SMURF1: variants seen among roughly 807,000 people sequenced by gnomAD.
The protein encoded by SMURF1 is E3 ubiquitin-protein ligase SMURF1.
In SMURF1, 44 loss-of-function variants were observed where a neutral mutation model predicts 98.0. That is an observed-to-expected ratio of 0.45 (90% CI 0.35 to 0.58). The LOEUF (loss-of-function observed/expected upper bound fraction) is 0.58. SMURF1 is among the 20% of genes least tolerant of loss of function. SMURF1 has a pLI of 0.00. For synonymous variants in SMURF1, 396 were observed against 374.9 expected (o/e 1.06, Z -0.65); for missense variants, 687 against 938.4 (o/e 0.73, Z 3.50).
rs1795895960 is a variant in SMURF1, at chr7:99,057,141, G to C, written c.403+64C>G. On this transcript the variant is annotated intron_variant, in intron 5 of 17. Coordinates refer to ENST00000361368, the MANE Select transcript of SMURF1 (RefSeq NM_181349.3). ...GTCAGTGCCTGTATGTGAGTTCTCG[G>C]CGATGAAGGGTTGAATGTAAGTTCT... The C allele has an allele frequency of 2.5e-6, 4 of 1,574,020 alleles. No individual in the cohort carries two copies. The South Asian group carries it at 4.4e-5, about 17-fold the overall frequency.
chr7:99,102,976 C>G (rs1797122275), intron 1 of SMURF1, among the ~76,000 whole-genome samples: 1 of 151,628 alleles, frequency 6.6e-6, no homozygotes, highest in African/African-American at 2.4e-5. Flanking sequence ...GCTTATTTTT[C>G]TATCTTTAGG....
chr7:99,049,864 C>G (rs1372072473), intron 8 of SMURF1, 155 bp from the exon 9 acceptor site: 4 of 668,736 alleles, frequency 6.0e-6, no homozygotes, highest in South Asian at 2.0e-5. Context: ...CGCCAAACCT[C>G]TACTCAGTCC....
intron 17 of SMURF1, among the ~76,000 whole-genome samples, chr7:99,032,633 C>T (rs1274819525): frequency 1.3e-5 from 2 of 152,242 alleles, no homozygotes; most frequent in South Asian, 2.1e-4. Flanking sequence ...CGTGCCACTG[C>T]ACTCCATCCT....
chr7:99,040,288 C>T (rs1051575343), intron 13 of SMURF1, 90 bp downstream of exon 13: 3 of 1,256,026 alleles, frequency 2.4e-6, no homozygotes, highest in African/African-American at 4.1e-5. Context: ...CCAAAATACA[C>T]ACACACGCGC....
In SMURF1 at chr7:99,038,444, C is replaced by T. The variant is rs1584446081; in HGVS notation, c.1632G>A (p.Leu544=). ...CTGGCACATTTCTGCCATTGGGTTT[C>T]AGTTCATGCTGCAGGATCCGCCCGA... The part of the protein sequence containing the change: ...NAFGRILQHE[L]KPNGRNVPVT... The change falls in exon 14 of 18, where the codon CTG becomes CTA. Residue 544 remains leucine (L), a synonymous_variant. Coordinates refer to ENST00000361368, the MANE Select transcript of SMURF1 (RefSeq NM_181349.3). The T allele has an allele frequency of 1.2e-6, 2 of 1,614,110 alleles. No homozygotes were observed. The highest frequency in any genetic ancestry group is 2.2e-5 in the East Asian group (1 of 44,892).
chr7:99,138,979 G>C lies in SMURF1; in HGVS notation c.55+4747C>G, dbSNP rs74324424. On this transcript the variant is annotated intron_variant, in intron 1 of 17. Coordinates refer to ENST00000361368, the MANE Select transcript of SMURF1 (RefSeq NM_181349.3). ...CCTAAGGAAAATGTAAATGCAAAGGGAGCTAAAAACTGACCACTTATTCCA... is the reference window on the plus strand; with the variant it reads ...CCTAAGGAAAATGTAAATGCAAAGGCAGCTAAAAACTGACCACTTATTCCA... 2.6e-3 allele frequency among the ~76,000 whole-genome samples: 403 copies of C among 152,300 alleles called. 2 individuals are homozygous for C. Among genetic ancestry groups the C allele is most frequent in the African/African-American group, 9.5e-3 (394 of 41,574 alleles).
chr7:99,078,519 C>T (rs1049457701), intron 1 of SMURF1, among the ~76,000 whole-genome samples: 56 of 152,162 alleles, frequency 3.7e-4, no homozygotes. Flanking sequence ...CCCCTGCACC[C>T]TCCTCCCCAT....
In SMURF1 at chr7:99,030,601, C is replaced by T. The variant is rs956288312; in HGVS notation, c.2179G>A (p.Gly727Arg). ...GTTGCTTTTCACTCCACAGCAAACCCGCAGGTCTCCTCCACGGCTGTCAGC... is the reference window on the plus strand; with the variant it reads ...GTTGCTTTTCACTCCACAGCAAACCTGCAGGTCTCCTCCACGGCTGTCAGC... ...KLLTAVEETC[G>R]FAVE The change falls in exon 18 of 18, where the codon GGG becomes AGG. Residue 727 changes from glycine (G) to arginine (R), a missense_variant. By Grantham distance (125) the Gly-to-Arg change is moderately radical. Coordinates refer to ENST00000361368, the MANE Select transcript of SMURF1 (RefSeq NM_181349.3). 7 of 1,614,028 alleles carry T rather than the reference C, an allele frequency of 4.3e-6. No individual in the cohort carries two copies. The highest frequency in any genetic ancestry group is 5.1e-6 in the Non-Finnish European group (6 of 1,180,024).
Position 99,057,087 on chromosome 7 carries a change from TG to T in SMURF1, c.403+117del, listed in dbSNP as rs1229400538. 4 of 953,222 alleles carry T rather than the reference TG, an allele frequency of 4.2e-6. No individual in the cohort carries two copies. The African/African-American group carries it at 6.5e-5, about 16-fold the overall frequency. 59.0% of individuals were successfully genotyped at this position (953,222 alleles called of 1,614,324 possible). A position where few individuals can be genotyped will look rare whatever the true frequency, so the allele number is the denominator to read the frequency against. ...AGTACTGAAGAGAAGGCCCCGTACG[TG>T]GTCTGTCCTCTGAGGCCCGTCAGCA... On this transcript the variant is annotated intron_variant, in intron 5 of 17. Transcript: ENST00000361368.
intron 13 of SMURF1, 24 bp downstream of exon 13, chr7:99,040,354 G>T: frequency 6.9e-7 from 1 of 1,448,218 alleles, no homozygotes; most frequent in South Asian, 1.5e-5. Flanking sequence ...TAAGCCAGGT[G>T]ACCGGCCGTC....
chr7:99,056,242 G>A (rs1354979161), intron 5 of SMURF1, among the ~76,000 whole-genome samples: 1 of 152,076 alleles, frequency 6.6e-6, no homozygotes, highest in Non-Finnish European at 1.5e-5. Flanking sequence ...ATACCTAAAA[G>A]ATTTGGAGTG....
At chr7:99,136,980 T>G (rs1798006692) in intron 1 of SMURF1, among the ~76,000 whole-genome samples, 1 of 152,004 alleles carries the variant, frequency 6.6e-6, no homozygotes, top group Non-Finnish European at 1.5e-5. Context: ...CATGATACTG[T>G]CCGATGGCAC....
At position 99,038,443 on chromosome 7, in the gene SMURF1, T is replaced by G; in HGVS notation, c.1633A>C (p.Lys545Gln). The G allele has an allele frequency of 6.2e-7, 1 of 1,614,240 alleles. No homozygotes were observed. Among genetic ancestry groups the G allele is most frequent in the Non-Finnish European group, 8.5e-7 (1 of 1,180,040 alleles). The change falls in exon 14 of 18, where the codon AAA becomes CAA. Residue 545 changes from lysine to glutamine, a missense_variant. Physicochemically the swap from Lys to Gln is moderately conservative, Grantham distance 53. Transcript: ENST00000361368. The stretch of plus-strand genomic sequence containing the variant: ...ACTGGCACATTTCTGCCATTGGGTT[T>G]CAGTTCATGCTGCAGGATCCGCCCG... ...AFGRILQHEL[K>Q]PNGRNVPVTE...
At chr7:99,038,342 T>C (rs201236248) in intron 14 of SMURF1, 46 bp downstream of exon 14, 570 of 1,602,904 alleles carry the variant, frequency 3.6e-4, no homozygotes, top group South Asian at 1.6e-3. Flanking sequence ...AAATGCAGGC[T>C]CAGCCGCGCC....
At chr7:99,135,483 T>C (rs1339831351) in intron 1 of SMURF1, among the ~76,000 whole-genome samples, 2 of 152,244 alleles carry the variant, frequency 1.3e-5, no homozygotes, top group Non-Finnish European at 1.5e-5. Context: ...TGTTTTATTA[T>C]TCAAATAGTA....
At chr7:99,116,240 T>TA (rs1361967257) in intron 1 of SMURF1, among the ~76,000 whole-genome samples, 1 of 2,340 alleles carries the variant, frequency 4.3e-4, no homozygotes, top group Non-Finnish European at 0.012. Context: ...ACATTCATGA[T>TA]AAAAATATCA....
chr7:99,083,741 G>C (rs1796618544), intron 1 of SMURF1, among the ~76,000 whole-genome samples: 1 of 152,172 alleles, frequency 6.6e-6, no homozygotes, highest in African/African-American at 2.4e-5. Context: ...CCCCCAAAAT[G>C]CAGTTTCTCT....
intron 1 of SMURF1, among the ~76,000 whole-genome samples, chr7:99,133,551 C>A (rs1173279394): frequency 6.8e-6 from 1 of 146,770 alleles, no homozygotes; most frequent in African/African-American, 2.8e-5. Context: ...TCTCATACGC[C>A]ACTGGTGGAA....
chr7:99,053,332 C>T (rs770875988), intron 6 of SMURF1, among the ~76,000 whole-genome samples: 20 of 152,106 alleles, frequency 1.3e-4, no homozygotes, highest in South Asian at 4.1e-4. Context: ...TCCCAGCTAA[C>T]CATCATCCAA....
Sources: gnomAD v4.1 joint callset for allele counts (sites outside exome capture counted in the v4.1 genomes callset) on GRCh38, gnomAD v4.1.1 for gene constraint, MANE v1.5 for transcripts, NCBI Gene and HGNC (gene_info 2026-07-23, HGNC 2026-07-21) for gene names.